Variants in NRG3 observed in about 807,000 individuals in gnomAD.
The protein encoded by NRG3 is neuregulin 3.
A neutral mutation model predicts 66.9 loss-of-function variants in NRG3; 31 were observed. That is an observed-to-expected ratio of 0.46 (90% CI 0.35 to 0.63). The LOEUF is 0.63. Ranked by LOEUF, NRG3 falls within the 20% of genes least tolerant of loss-of-function variation. The pLI is 0.00. For missense variants in NRG3, 910 were observed against 878.9 expected (o/e 1.04, Z -0.45); for synonymous variants, 393 against 359.4 (o/e 1.09, Z -1.06).
At chr10:81,915,696 C>T (rs1845638466) in intron 1 of NRG3, among the ~76,000 whole-genome samples, 1 of 152,020 alleles carries the variant, frequency 6.6e-6, no homozygotes, top group Admixed American at 6.6e-5. Flanking sequence ...TGGAGGACAC[C>T]TGGAGTTTAT....
intron 2 of NRG3, among the ~76,000 whole-genome samples, chr10:82,393,810 G>C (rs2086544636): frequency 6.6e-6 from 1 of 152,168 alleles, no homozygotes; most frequent in Non-Finnish European, 1.5e-5. Flanking sequence ...ATGGTCATCA[G>C]CAAGCTCCTG....
At chr10:82,836,439 A>G (rs189983629) in intron 3 of NRG3, among the ~76,000 whole-genome samples, 250 of 152,314 alleles carry the variant, frequency 1.6e-3, no homozygotes, top group African/African-American at 5.8e-3. Flanking sequence ...GCAGCAGTGG[A>G]TGTATACGCT....
chr10:81,905,560 AC>A (rs1844522524), intron 1 of NRG3, among the ~76,000 whole-genome samples: 1 of 152,178 alleles, frequency 6.6e-6, no homozygotes, highest in Non-Finnish European at 1.5e-5. Context: ...ACAGAAAAAC[AC>A]CCTTGGGCAA....
At chr10:82,566,091 C>G (rs1485588806) in intron 2 of NRG3, among the ~76,000 whole-genome samples, 1 of 152,018 alleles carries the variant, frequency 6.6e-6, no homozygotes, top group African/African-American at 2.4e-5. Flanking sequence ...ATAATGCATG[C>G]AAAGCTCCTT....
chr10:82,127,194 A>G (rs1010295148), intron 1 of NRG3, among the ~76,000 whole-genome samples: 7 of 152,236 alleles, frequency 4.6e-5, no homozygotes, highest in East Asian at 3.9e-4. Context: ...TCTCTGTTCA[A>G]TGGAATTTGT....
chr10:81,980,108 C>T (rs567644608), intron 1 of NRG3, among the ~76,000 whole-genome samples: 6 of 152,194 alleles, frequency 3.9e-5, no homozygotes, highest in Admixed American at 6.5e-5. Flanking sequence ...TTATCTATTC[C>T]GTTTGAATAT....
intron 1 of NRG3, among the ~76,000 whole-genome samples, chr10:82,209,900 T>A (rs2075313037): frequency 6.6e-6 from 1 of 152,148 alleles, no homozygotes; most frequent in African/African-American, 2.4e-5. Flanking sequence ...AGCATGTGGC[T>A]TTTTGGAAAT....
chr10:82,071,166 A>T (rs1338322406), intron 1 of NRG3, among the ~76,000 whole-genome samples: 9 of 152,198 alleles, frequency 5.9e-5, no homozygotes, highest in Admixed American at 5.9e-4. Flanking sequence ...TTAAGTGCCT[A>T]CTGAGTGTGT....
intron 1 of NRG3, chr10:82,232,602 T>C (rs1411399683): frequency 8.3e-6 from 5 of 599,272 alleles, no homozygotes; most frequent in Non-Finnish European, 1.5e-5. Flanking sequence ...TTTCATTGTT[T>C]TTCTCTTTTG....
intron 2 of NRG3, among the ~76,000 whole-genome samples, chr10:82,544,064 G>A (rs1305249998): frequency 6.6e-6 from 1 of 152,196 alleles, no homozygotes; most frequent in Non-Finnish European, 1.5e-5. Context: ...AAGAGACTCA[G>A]AGACCCAGTT....
rs577290524 is a variant in NRG3, at chr10:82,554,349, T to C, written c.954-184228T>C. Among the ~76,000 whole-genome samples, 5 of 152,296 alleles carry C rather than the reference T, an allele frequency of 3.3e-5. No individual in the cohort carries two copies. The East Asian group carries it at 9.6e-4, about 29-fold the overall frequency. The stretch of plus-strand genomic sequence containing the variant: ...TAAGCTAATTAATGTGATATGATCA[T>C]TACACAGCATATACCTGTATCAAAA... On this transcript the variant is annotated intron_variant, in intron 2 of 8. Coordinates refer to ENST00000372141, the MANE Select transcript of NRG3 (RefSeq NM_001010848.4).
chr10:82,980,683 C>T (rs568552448), intron 8 of NRG3, among the ~76,000 whole-genome samples: 1 of 152,252 alleles, frequency 6.6e-6, no homozygotes, highest in East Asian at 1.9e-4. Context: ...AAATAAATGG[C>T]CGGTGGCTAG....
At chr10:82,017,487 A>G (rs1261903309) in intron 1 of NRG3, among the ~76,000 whole-genome samples, 1 of 152,072 alleles carries the variant, frequency 6.6e-6, no homozygotes, top group Non-Finnish European at 1.5e-5. Context: ...TAGTATTTCT[A>G]GTTCTAGATC....
At chr10:82,007,695 T>G (rs935508053) in intron 1 of NRG3, among the ~76,000 whole-genome samples, 2 of 152,208 alleles carry the variant, frequency 1.3e-5, no homozygotes, top group Non-Finnish European at 1.5e-5. Context: ...CTACATTTTA[T>G]TTTTGTGCTA....
intron 1 of NRG3, among the ~76,000 whole-genome samples, chr10:82,304,828 G>A (rs1214613735): frequency 1.3e-5 from 2 of 151,908 alleles, no homozygotes; most frequent in African/African-American, 2.4e-5. Flanking sequence ...TCCAATCATG[G>A]GTTGACATTC....
intron 2 of NRG3, among the ~76,000 whole-genome samples, chr10:82,584,523 G>A (rs761801965): frequency 2.0e-5 from 3 of 152,116 alleles, no homozygotes; most frequent in Non-Finnish European, 4.4e-5. Context: ...CAAATTATTG[G>A]GTTCATGAGT....
At chr10:82,606,949 T>G (rs965724456) in intron 2 of NRG3, among the ~76,000 whole-genome samples, 6 of 152,086 alleles carry the variant, frequency 3.9e-5, no homozygotes, top group South Asian at 4.1e-4. Context: ...AATCCCACAC[T>G]TTGGCCCATC....
chr10:82,765,403 C>A lies in NRG3; in HGVS notation c.1027+26753C>A, dbSNP rs538221487. Among the ~76,000 whole-genome samples, 9 of 152,002 alleles carry A rather than the reference C, an allele frequency of 5.9e-5. No homozygotes were observed. The South Asian group carries it at 1.9e-3, about 32-fold the overall frequency. On this transcript the variant is annotated intron_variant, in intron 3 of 8. Transcript: ENST00000372141. ...ATGGAAAGCATACTTACACATGATA[C>A]AAATGTTAGAATTATTATAGAAATG...
At chr10:82,025,776 CTTTGTAAATAGCTTGT>C (rs2062272513) in intron 1 of NRG3, among the ~76,000 whole-genome samples, 1 of 152,056 alleles carries the variant, frequency 6.6e-6, no homozygotes, top group Non-Finnish European at 1.5e-5. Context: ...TCTAATTCTT[CTTTGTAAATAGCTTGT>C]TTTGGGTTTA....
Sources: gnomAD v4.1 joint callset for allele counts (sites outside exome capture counted in the v4.1 genomes callset) on GRCh38, gnomAD v4.1.1 for gene constraint, MANE v1.5 for transcripts, NCBI Gene and HGNC (gene_info 2026-07-23, HGNC 2026-07-21) for gene names.